The following FREM1 variants were observed in gnomAD, a reference collection of about 807,000 sequenced individuals.
FREM1 encodes FRAS1-related extracellular matrix protein 1.
FREM1 carries 220 observed loss-of-function variants against 210.1 expected under a neutral mutation model. The observed-to-expected ratio is 1.05, with a 90% CI of 0.94 to 1.17. The LOEUF (loss-of-function observed/expected upper bound fraction) is 1.17, where lower values mean the gene tolerates loss of function less well. Among genes scored for constraint, FREM1 ranks in the 50% most tolerant of loss-of-function variants. The pLI is 0.00. For missense variants in FREM1, 3,454 were observed against 2,675.5 expected (o/e 1.29, Z -6.42); for synonymous variants, 1,189 against 980.2 (o/e 1.21, Z -3.98).
intron 25 of FREM1, among the ~76,000 whole-genome samples, chr9:14,774,684 G>T (rs1848258118): frequency 6.6e-6 from 1 of 152,050 alleles, no homozygotes; most frequent in Admixed American, 6.5e-5. Flanking sequence ...TCCAAGGAGA[G>T]TAGATTCAAG....
intron 3 of FREM1, among the ~76,000 whole-genome samples, chr9:14,860,666 T>C (rs968748431): frequency 5.2e-5 from 7 of 133,824 alleles, no homozygotes; most frequent in South Asian, 2.2e-4. Flanking sequence ...CATATATACA[T>C]ATATACACAC....
In FREM1 at chr9:14,747,412, G is replaced by T. The variant is rs1422049273; in HGVS notation, c.5861C>A (p.Ser1954Tyr). The T allele has an allele frequency of 1.2e-6, 2 of 1,613,220 alleles. No homozygotes were observed. Among genetic ancestry groups the T allele is most frequent in the Admixed American group, 1.7e-5 (1 of 59,924 alleles). ...GAAACTGTCATCCTCCAGTTTCAAG[G>T]AAACTATCCCATGATACTTGAGGAA... The part of the protein sequence containing the change: ...DIIYNYHGIV[S>Y]LKLEDDSFPT... Residue 1954 changes from serine to tyrosine, a missense_variant, in exon 33 of 37, where the codon TCC becomes TAC. By Grantham distance (144) the Ser-to-Tyr change is moderately radical. Transcript: ENST00000380880.
chr9:14,791,463 A>G (rs561452510), intron 22 of FREM1, among the ~76,000 whole-genome samples: 2 of 152,146 alleles, frequency 1.3e-5, no homozygotes, highest in African/African-American at 4.8e-5. Context: ...CAAATTTGGC[A>G]GTTGTTAAAA....
At chr9:14,833,795 T>A (rs1824019830) in intron 10 of FREM1, among the ~76,000 whole-genome samples, 1 of 152,214 alleles carries the variant, frequency 6.6e-6, no homozygotes, top group South Asian at 2.1e-4. Context: ...AAAAGGCTCT[T>A]TTCTTCTCAG....
chr9:14,782,250 G>C (rs1849753480), intron 24 of FREM1: 1 of 371,340 alleles, frequency 2.7e-6, no homozygotes, highest in Non-Finnish European at 3.7e-6. Context: ...TGGGATAAAT[G>C]ATTTCTAAAA....
At chr9:14,820,616 C>A (rs1821122154) in intron 13 of FREM1, among the ~76,000 whole-genome samples, 1 of 152,232 alleles carries the variant, frequency 6.6e-6, no homozygotes, top group South Asian at 2.1e-4. Context: ...CAGGCCACAG[C>A]CACCTGGGGC....
chr9:14,867,916 T>C (rs186814008), intron 2 of FREM1, among the ~76,000 whole-genome samples: 5 of 152,318 alleles, frequency 3.3e-5, no homozygotes, highest in East Asian at 3.9e-4. Flanking sequence ...TTAGAGAATA[T>C]AGACTTTTTA....
chr9:14,808,609 G>C (rs910929757), intron 16 of FREM1, among the ~76,000 whole-genome samples: 17 of 152,236 alleles, frequency 1.1e-4, no homozygotes, highest in African/African-American at 3.9e-4. Context: ...ATGTTGAATA[G>C]GTGAAATACA....
At chr9:14,763,169 C>T (rs1292875371) in intron 27 of FREM1, among the ~76,000 whole-genome samples, 1 of 152,206 alleles carries the variant, frequency 6.6e-6, no homozygotes, top group Non-Finnish European at 1.5e-5. Context: ...GCCTCTAAGT[C>T]AGGCTTTCCC....
chr9:14,878,061 G>C (rs1311249740), intron 1 of FREM1, among the ~76,000 whole-genome samples: 3 of 152,062 alleles, frequency 2.0e-5, no homozygotes, highest in Admixed American at 2.0e-4. Flanking sequence ...TTCTACTCCT[G>C]CCTTTCCTCT....
intron 8 of FREM1, among the ~76,000 whole-genome samples, chr9:14,845,362 T>C (rs1826407420): frequency 6.6e-6 from 1 of 152,186 alleles, no homozygotes; most frequent in Non-Finnish European, 1.5e-5. Context: ...TGGAGTGCAG[T>C]GGCGTGATCT....
intron 1 of FREM1, among the ~76,000 whole-genome samples, chr9:14,894,856 C>T (rs1017532583): frequency 2.6e-5 from 4 of 152,176 alleles, no homozygotes; most frequent in Non-Finnish European, 4.4e-5. Context: ...TCTTTTGTAA[C>T]AGGACACAGT....
intron 27 of FREM1, 43 bp from the exon 28 acceptor site, chr9:14,759,944 T>C (rs764520668): frequency 4.5e-6 from 7 of 1,549,478 alleles, no homozygotes; most frequent in South Asian, 2.5e-5. Context: ...ATGCATAGTA[T>C]ATGCCTATAG....
intron 1 of FREM1, among the ~76,000 whole-genome samples, chr9:14,906,553 C>T (rs746230288): frequency 1.3e-5 from 2 of 152,210 alleles, no homozygotes; most frequent in Non-Finnish European, 2.9e-5. Context: ...AAACGCCTAA[C>T]AAATTTTAAA....
Position 14,801,884 on chromosome 9 carries a change from A to T in FREM1, c.3472-10T>A. 1 of 1,586,186 alleles carries T rather than the reference A, an allele frequency of 6.3e-7. No homozygotes were observed. Among genetic ancestry groups the T allele is most frequent in the Non-Finnish European group, 8.6e-7 (1 of 1,162,802 alleles). The stretch of plus-strand genomic sequence containing the variant: ...TCTGACCCTCACACACCTGAGCAAG[A>T]ACACATGAGAAAAGTCAACAATGCA... On this transcript the variant is annotated splice_polypyrimidine_tract_variant and intron_variant, in intron 19 of 36. Transcript: ENST00000380880.
intron 16 of FREM1, among the ~76,000 whole-genome samples, chr9:14,809,530 C>G (rs567785052): frequency 6.6e-6 from 1 of 152,198 alleles, no homozygotes; most frequent in East Asian, 1.9e-4. Flanking sequence ...GATGAGAAAA[C>G]TGGGCTTAAA....
intron 8 of FREM1, among the ~76,000 whole-genome samples, chr9:14,845,715 T>C (rs1826484545): frequency 6.6e-6 from 1 of 152,184 alleles, no homozygotes; most frequent in Non-Finnish European, 1.5e-5. Context: ...ATGCATGGCA[T>C]CCAGAAAGCA....
In FREM1 at chr9:14,830,813, CT is replaced by C. The variant is rs1406492354; in HGVS notation, c.1882-5822del. On this transcript the variant is annotated intron_variant, in intron 10 of 36. Transcript: ENST00000380880. ...TCCTTCACTCATCGAAGCCATATCA[CT>C]TTGGTGCATTGAGGTACAGGAATCT... is the stretch of plus-strand genomic sequence containing the variant. Among the ~76,000 whole-genome samples the C allele has an allele frequency of 4.6e-5, 7 of 152,328 alleles. No homozygotes were observed. In the South Asian group the frequency reaches 1.4e-3, roughly 32 times the overall value.
At chr9:14,893,569 T>A (rs1217967353) in intron 1 of FREM1, among the ~76,000 whole-genome samples, 1 of 152,244 alleles carries the variant, frequency 6.6e-6, no homozygotes, top group African/African-American at 2.4e-5. Context: ...AAAAGAGCTT[T>A]TGTTAATTGG....
Sources: gnomAD v4.1 joint callset for allele counts (sites outside exome capture counted in the v4.1 genomes callset) on GRCh38, gnomAD v4.1.1 for gene constraint, MANE v1.5 for transcripts, NCBI Gene and HGNC (gene_info 2026-07-23, HGNC 2026-07-21) for gene names.